IL34: variants seen among roughly 807,000 people sequenced by gnomAD.
IL34 encodes the protein interleukin 34.
Under a neutral mutation model 25.3 loss-of-function variants are expected in IL34, and 17 were observed. The observed-to-expected ratio is 0.67, with a 90% CI of 0.46 to 1.01. The LOEUF is 1.01. Ranked by LOEUF, IL34 falls within the 50% of genes least tolerant of loss-of-function variation. The pLI is 0.00. For missense variants in IL34, 368 were observed against 312.9 expected (o/e 1.18, Z -1.33); for synonymous variants, 174 against 140.9 (o/e 1.23, Z -1.66).
intron 1 of IL34, among the ~76,000 whole-genome samples, chr16:70,600,486 C>A (rs2050898957): frequency 6.6e-6 from 1 of 152,208 alleles, no homozygotes; most frequent in African/African-American, 2.4e-5. Flanking sequence ...GCACATGGAA[C>A]TATTCTGTAA....
chr16:70,647,363 G>T (rs1013511302), intron 1 of IL34, among the ~76,000 whole-genome samples: 1 of 152,204 alleles, frequency 6.6e-6, no homozygotes, highest in African/African-American at 2.4e-5. Flanking sequence ...AAGTGTCTAG[G>T]GACCCAAGAC....
chr16:70,624,019 A>G (rs1347890232), intron 1 of IL34, among the ~76,000 whole-genome samples: 1 of 151,630 alleles, frequency 6.6e-6, no homozygotes. Context: ...GTGATGGTCT[A>G]CGGGGCTTTC....
rs1413099657 is a variant in IL34, at chr16:70,625,764, T to G, written c.-400-20784T>G. ...CCCAGAAAATGAAAGGAATTGAAAT[T>G]AAGAGAAGGGAGAGATTGAAGTGTG... On this transcript the variant is annotated intron_variant, in intron 1 of 6. Coordinates refer to the IL34 transcript ENST00000429149. Among the ~76,000 whole-genome samples, 5 of 151,968 alleles carry G rather than the reference T, an allele frequency of 3.3e-5. No individual in the cohort carries two copies. The East Asian group carries it at 7.7e-4, about 24-fold the overall frequency.
In IL34 at chr16:70,647,228, G is replaced by T. The variant is rs143526041; in HGVS notation, c.28+253G>T. On this transcript the variant is annotated intron_variant, in intron 1 of 5. Coordinates refer to ENST00000288098, the MANE Select transcript of IL34 (RefSeq NM_001393494.1). ...TGGTCCTCAGGGTGGTCTTAGGTCG[G>T]GGCAGGCACTGGGGGTAGGTGGCAG... 6.2e-3 allele frequency among the ~76,000 whole-genome samples: 938 copies of T among 152,318 alleles called. 15 individuals carry two copies. Among genetic ancestry groups the T allele is most frequent in the African/African-American group, 0.021 (883 of 41,574 alleles).
At chr16:70,625,106 A>G (rs2051362753) in intron 1 of IL34, among the ~76,000 whole-genome samples, 1 of 151,948 alleles carries the variant, frequency 6.6e-6, no homozygotes, top group African/African-American at 2.4e-5. Context: ...ACTACTGTTG[A>G]GTTTGTATTG....
At chr16:70,605,997 A>T in intron 1 of IL34, among the ~76,000 whole-genome samples, 1 of 142,086 alleles carries the variant, frequency 7.0e-6, no homozygotes. Flanking sequence ...TTTTTTAACA[A>T]TGCTGAATAA....
In IL34 at chr16:70,660,298, C is replaced by T. The variant is rs530529839; in HGVS notation, c.*111C>T. The T allele has an allele frequency of 2.7e-3, 2,733 of 1,008,024 alleles. 8 individuals are homozygous for T. Among genetic ancestry groups the T allele is most frequent in the Middle Eastern group, 7.3e-3 (22 of 3,024 alleles). 62.4% of individuals were successfully genotyped at this position (1,008,024 alleles called of 1,614,324 possible). On this transcript the variant is annotated 3_prime_UTR_variant, in exon 6 of 6. Transcript: ENST00000288098. ...GTGGGAGCCCCCCTTGGGAGAGGAC[C>T]CCTGGGAAGGGTGTTTTTCCTTTGA...
chr16:70,645,116 G>C (rs2051893226), upstream of IL34, among the ~76,000 whole-genome samples: 2 of 129,728 alleles, frequency 1.5e-5, no homozygotes, highest in South Asian at 6.0e-4. Flanking sequence ...AGAGGAGGAA[G>C]AAGAGGGAGG....
At chr16:70,650,102 G>C (rs4985554) in intron 1 of IL34, among the ~76,000 whole-genome samples, 150,687 of 152,326 alleles carry the variant, frequency 0.99, 74,542 homozygotes, top group Middle Eastern at 1. Flanking sequence ...CCCAGCCTGT[G>C]TTGTGGGTTC....
At chr16:70,624,311 T>C (rs2051344580) in intron 1 of IL34, among the ~76,000 whole-genome samples, 1 of 152,056 alleles carries the variant, frequency 6.6e-6, no homozygotes, top group Non-Finnish European at 1.5e-5. Context: ...TTGGAAGTTC[T>C]TGTGTGCTGG....
At chr16:70,640,021 GC>G (rs2051744476) in intron 1 of IL34, among the ~76,000 whole-genome samples, 1 of 152,170 alleles carries the variant, frequency 6.6e-6, no homozygotes, top group African/African-American at 2.4e-5. Context: ...GAAACTCTAG[GC>G]TGTAGACCAG....
chr16:70,658,225 G>C (rs1390595434), intron 4 of IL34, among the ~76,000 whole-genome samples: 3 of 152,222 alleles, frequency 2.0e-5, no homozygotes, highest in Non-Finnish European at 4.4e-5. Flanking sequence ...CTGTTTTGCA[G>C]CTGCCTGGAG....
intron 1 of IL34, among the ~76,000 whole-genome samples, chr16:70,612,262 T>C (rs1355598222): frequency 6.6e-6 from 1 of 152,034 alleles, no homozygotes; most frequent in South Asian, 2.1e-4. Context: ...TCAAGTCACA[T>C]AGCAAGTTAT....
In IL34 at chr16:70,657,043, G is replaced by C. The variant is rs1445580813; in HGVS notation, c.324G>C (p.Val108=). 1.2e-6 allele frequency: 2 copies of C among 1,612,750 alleles called. No homozygotes were observed. The highest frequency in any genetic ancestry group is 3.3e-5 in the Admixed American group (2 of 60,000). ...SLSATESVQD[V]LLEGHPSWKY... ...GTGCCACTGAGTCGGTGCAGGACGTGCTGCTCGAGGGCCACCCATCCTGGA... is the reference window on the plus strand; with the variant it reads ...GTGCCACTGAGTCGGTGCAGGACGTCCTGCTCGAGGGCCACCCATCCTGGA... Residue 108 remains valine (V), a synonymous_variant, in exon 4 of 6, where the codon GTG becomes GTC. Coordinates refer to ENST00000288098, the MANE Select transcript of IL34 (RefSeq NM_001393494.1).
Position 70,660,116 on chromosome 16 carries a change from C to T in IL34, c.658C>T (p.Pro220Ser). 6.2e-7 allele frequency: 1 copy of T among 1,613,264 alleles called. No homozygotes were observed. The highest frequency in any genetic ancestry group is 8.5e-7 in the Non-Finnish European group (1 of 1,179,772). The change falls in exon 6 of 6, where the codon CCC becomes TCC. Residue 220 changes from proline (P) to serine (S), a missense_variant. Physicochemically the swap from Pro to Ser is moderately conservative, Grantham distance 74. Transcript: ENST00000288098. Reference sequence around the variant, plus strand: ...GCTGTACCCTCCGCCCCCGTGGTCCCCCAGCTCCCCGCCTCACTCCACGGG... The same window carrying T: ...GCTGTACCCTCCGCCCCCGTGGTCCTCCAGCTCCCCGCCTCACTCCACGGG... ...TQLYPPPPWS[P>S]SSPPHSTGSV... is the part of the protein sequence containing the mutation.
chr16:70,628,786 C>CTTTTTT (rs71387533), intron 1 of IL34, among the ~76,000 whole-genome samples: 2 of 115,174 alleles, frequency 1.7e-5, no homozygotes, highest in Non-Finnish European at 1.8e-5. Context: ...CACACCTGGT[C>CTTTTTT]TTTTTTTTTT....
In IL34 at chr16:70,649,958, CTGGCTAATTTT is replaced by C. The variant is rs1345347000; in HGVS notation, c.28+2986_28+2996del. On this transcript the variant is annotated intron_variant, in intron 1 of 5. Coordinates refer to ENST00000288098, the MANE Select transcript of IL34 (RefSeq NM_001393494.1). Reference sequence around the variant, plus strand: ...GGACTACAGGCACCTGCCACTGCGCCTGGCTAATTTTTGTATTTTTAGTAGCGATGGGGTTT... The same window carrying C: ...GGACTACAGGCACCTGCCACTGCGCCTGTATTTTTAGTAGCGATGGGGTTT... Among the ~76,000 whole-genome samples, 11 of 152,118 alleles carry C rather than the reference CTGGCTAATTTT, an allele frequency of 7.2e-5. No homozygotes were observed. The East Asian group carries it at 2.1e-3, about 29-fold the overall frequency.
intron 1 of IL34, among the ~76,000 whole-genome samples, chr16:70,613,131 G>C (rs1296348197): frequency 6.6e-6 from 1 of 152,166 alleles, no homozygotes; most frequent in Non-Finnish European, 1.5e-5. Context: ...CAGCAGGGCC[G>C]GTCGAAGGGG....
intron 1 of IL34, among the ~76,000 whole-genome samples, chr16:70,590,785 C>T (rs189689258): frequency 6.6e-6 from 1 of 152,320 alleles, no homozygotes; most frequent in African/African-American, 2.4e-5. Flanking sequence ...CGGCTTGAGC[C>T]CTCCATCCTG....
Sources: allele counts gnomAD v4.1 joint callset (sites outside exome capture counted in the v4.1 genomes callset), GRCh38; gene constraint gnomAD v4.1.1; transcripts MANE v1.5; gene names NCBI Gene and HGNC (gene_info 2026-07-23, HGNC 2026-07-21).